PRKG1: variants seen among roughly 807,000 people sequenced by gnomAD.
PRKG1 encodes cGMP-dependent protein kinase 1.
Under a neutral mutation model 88.1 loss-of-function variants are expected in PRKG1, and 35 were observed. That is an observed-to-expected ratio of 0.40 (90% CI 0.30 to 0.53). The LOEUF (loss-of-function observed/expected upper bound fraction) is 0.53, where lower values mean the gene tolerates loss of function less well. Ranked by LOEUF, PRKG1 falls within the 20% of genes least tolerant of loss-of-function variation. The pLI is 0.59. For missense variants in PRKG1, 540 were observed against 839.8 expected, an observed-to-expected ratio of 0.64 and a Z score of 4.41; for synonymous variants, 303 against 292.5, an observed-to-expected ratio of 1.04 and a Z score of -0.37.
At chr10:51,497,251 A>G (rs1027343799) in intron 3 of PRKG1, among the ~76,000 whole-genome samples, 1 of 152,174 alleles carries the variant, frequency 6.6e-6, no homozygotes, top group South Asian at 2.1e-4. Context: ...TTGACTTAAC[A>G]TAGTTATCTT....
intron 3 of PRKG1, among the ~76,000 whole-genome samples, chr10:51,739,129 G>T (rs1837367053): frequency 1.3e-5 from 2 of 152,152 alleles, no homozygotes; most frequent in Non-Finnish European, 2.9e-5. Flanking sequence ...AGTCAGTCCT[G>T]GATCTTAGTA....
At chr10:51,083,528 T>TC (rs1554834684) in intron 1 of PRKG1, among the ~76,000 whole-genome samples, 3 of 151,298 alleles carry the variant, frequency 2.0e-5, no homozygotes, top group South Asian at 2.1e-4. Flanking sequence ...TTTTTTTTTT[T>TC]CCTACAGATA....
In PRKG1 at chr10:51,704,246, C is replaced by CAGATAGAT. The variant is rs1464008954; in HGVS notation, c.593-100336_593-100335insTAGATAGA. On this transcript the variant is annotated intron_variant, in intron 3 of 17. Transcript: ENST00000373980. ...GATAGATGATAGATAGACAGACAGA[C>CAGATAGAT]AGACAGATAGATAGATAGATAGATA... 2.4e-3 allele frequency among the ~76,000 whole-genome samples: 364 copies of CAGATAGAT among 150,652 alleles called. 3 individuals carry two copies. The highest frequency in any genetic ancestry group is 8.4e-3 in the African/African-American group (344 of 40,826).
rs1481609217 is a variant in PRKG1, at chr10:52,294,030, C to T, written c.*130C>T. The T allele has an allele frequency of 4.5e-6, 3 of 668,066 alleles. No individual in the cohort carries two copies. Among genetic ancestry groups the T allele is most frequent in the South Asian group, 2.0e-5 (1 of 50,672 alleles). 41.4% of individuals were successfully genotyped at this position (668,066 alleles called of 1,614,324 possible). The stretch of plus-strand genomic sequence containing the variant: ...ATGATGCCTTTGATCGATGCTGCTC[C>T]AGTAACTACAGTGGCATTAGGACTT... On this transcript the variant is annotated 3_prime_UTR_variant, in exon 18 of 18. Coordinates refer to ENST00000373980, the MANE Select transcript of PRKG1 (RefSeq NM_006258.4).
At chr10:51,627,040 T>A (rs1839354437) in intron 3 of PRKG1, among the ~76,000 whole-genome samples, 2 of 152,154 alleles carry the variant, frequency 1.3e-5, no homozygotes, top group African/African-American at 4.8e-5. Flanking sequence ...ACAAACCAAC[T>A]GACAGTAAAA....
chr10:51,699,605 C>A (rs747818629), intron 3 of PRKG1: 8 of 1,538,938 alleles, frequency 5.2e-6, no homozygotes, highest in Admixed American at 2.1e-5. Context: ...TGTCCTCTTG[C>A]GACCGACACT....
upstream of PRKG1, chr10:51,074,477 A>G (rs1843892917): frequency 1.4e-6 from 2 of 1,474,316 alleles, no homozygotes; most frequent in East Asian, 5.0e-5. Flanking sequence ...CTCAAGTAGG[A>G]AGCTTTGGCA....
intron 3 of PRKG1, among the ~76,000 whole-genome samples, chr10:51,522,932 T>C (rs1210746889): frequency 6.6e-6 from 1 of 152,204 alleles, no homozygotes; most frequent in Non-Finnish European, 1.5e-5. Flanking sequence ...AGACAACAAA[T>C]TACTTGGGTC....
intron 1 of PRKG1, among the ~76,000 whole-genome samples, chr10:51,024,519 T>C (rs979452391): frequency 3.3e-5 from 5 of 152,194 alleles, no homozygotes; most frequent in African/African-American, 1.2e-4. Context: ...TGAAGAAATT[T>C]AGATGAAGAA....
intron 3 of PRKG1, among the ~76,000 whole-genome samples, chr10:51,500,016 G>A (rs1840976665): frequency 6.6e-6 from 1 of 151,902 alleles, no homozygotes; most frequent in Admixed American, 6.6e-5. Context: ...CATAATCTTG[G>A]GCACATGGAA....
chr10:51,114,002 A>G (rs2131901576), intron 1 of PRKG1, among the ~76,000 whole-genome samples: 1 of 149,500 alleles, frequency 6.7e-6, no homozygotes, highest in East Asian at 2.0e-4. Context: ...TGATCATTTT[A>G]ACTAAAACTG....
At chr10:51,155,171 C>T (rs1846175559) in intron 2 of PRKG1, among the ~76,000 whole-genome samples, 1 of 151,898 alleles carries the variant, frequency 6.6e-6, no homozygotes, top group Admixed American at 6.6e-5. Flanking sequence ...TTCAATGTTC[C>T]TTCATCTTAA....
chr10:52,291,420 A>C (rs1842242211), intron 17 of PRKG1, among the ~76,000 whole-genome samples: 2 of 88,434 alleles, frequency 2.3e-5, no homozygotes, highest in South Asian at 8.8e-4. Flanking sequence ...CCCACCCCAC[A>C]ACAGTCCCCA....
At chr10:52,110,079 C>T (rs1027999231) in intron 7 of PRKG1, among the ~76,000 whole-genome samples, 19 of 151,932 alleles carry the variant, frequency 1.3e-4, no homozygotes, top group Non-Finnish European at 2.1e-4. Flanking sequence ...GGCGCCGTGG[C>T]TCACGCCTGT....
At chr10:51,649,754 T>C (rs1839995639) in intron 3 of PRKG1, among the ~76,000 whole-genome samples, 1 of 152,184 alleles carries the variant, frequency 6.6e-6, no homozygotes, top group Admixed American at 6.5e-5. Context: ...AGGGCCTGTA[T>C]AAACAATCTT....
chr10:51,147,110 T>C (rs908589451), intron 1 of PRKG1, among the ~76,000 whole-genome samples: 2 of 152,056 alleles, frequency 1.3e-5, no homozygotes, highest in African/African-American at 4.8e-5. Flanking sequence ...AAGAGCAGGA[T>C]TATAGTTATT....
chr10:51,452,312 G>A (rs1457786743), intron 2 of PRKG1, among the ~76,000 whole-genome samples: 2 of 151,862 alleles, frequency 1.3e-5, no homozygotes, highest in Non-Finnish European at 2.9e-5. Context: ...GCTCTGGCTA[G>A]GACTTTGGGA....
intron 2 of PRKG1, chr10:51,302,684 G>C (rs1840924044): frequency 6.6e-6 from 1 of 151,804 alleles, no homozygotes; most frequent in South Asian, 2.1e-4. Flanking sequence ...AGAGGATAAA[G>C]ACAGTGAGTA....
In PRKG1 at chr10:51,317,185, A is replaced by G. The variant is rs530827909; in HGVS notation, c.479-150538A>G. ...TCAGATTCAATTTATACTTTTTCTA[A>G]GCACCAACTATACACCCAACTATTG... is the stretch of plus-strand genomic sequence containing the variant. On this transcript the variant is annotated intron_variant, in intron 2 of 17. Coordinates refer to ENST00000373980, the MANE Select transcript of PRKG1 (RefSeq NM_006258.4). Among the ~76,000 whole-genome samples, 104 of 152,306 alleles carry G rather than the reference A, an allele frequency of 6.8e-4. 1 individual carries two copies. The highest frequency in any genetic ancestry group is 2.3e-3 in the African/African-American group (97 of 41,572).
Sources: gnomAD v4.1 joint callset for allele counts (sites outside exome capture counted in the v4.1 genomes callset) on GRCh38, gnomAD v4.1.1 for gene constraint, MANE v1.5 for transcripts, NCBI Gene and HGNC (gene_info 2026-07-23, HGNC 2026-07-21) for gene names.